The following GABRB3 variants were observed in gnomAD, a reference collection of about 807,000 sequenced individuals.
The protein encoded by GABRB3 is gamma-aminobutyric acid receptor subunit beta-3.
GABRB3 carries 14 observed loss-of-function variants against 52.1 expected under a neutral mutation model. That is an observed-to-expected ratio of 0.27 (90% CI 0.18 to 0.42). The LOEUF (loss-of-function observed/expected upper bound fraction) is 0.42. Among genes scored for constraint, GABRB3 ranks in the 10% least tolerant of loss-of-function variants. GABRB3 has a pLI of 1.00. For missense variants in GABRB3, 307 were observed against 609.1 expected (o/e 0.50, Z 5.22); for synonymous variants, 260 against 232.3 (o/e 1.12, Z -1.08).
intron 5 of GABRB3, among the ~76,000 whole-genome samples, chr15:26,582,998 C>G (rs921774019): frequency 6.6e-6 from 1 of 152,020 alleles, no homozygotes; most frequent in African/African-American, 2.4e-5. Context: ...TTACTCTGAC[C>G]GCCCAGGGTC....
In GABRB3 at chr15:26,772,864, G is replaced by A; in HGVS notation, c.80+19C>T. The A allele has an allele frequency of 6.9e-7, 1 of 1,451,566 alleles. No homozygotes were observed. The highest frequency in any genetic ancestry group is 1.4e-5 in the South Asian group (1 of 73,366). The allele number at this position is 1,451,566 out of a possible 1,614,324, so 89.9% of individuals were successfully genotyped here. A position where few individuals can be genotyped will look rare whatever the true frequency, so the allele number is the denominator to read the frequency against. On this transcript the variant is annotated intron_variant, in intron 1 of 8. Transcript: ENST00000311550. ...CCCCGCGCCCTGCCCGCCGCCCGCC[G>A]GCCCACCCGCGACCCTACCTCTGGG...
chr15:26,664,470 A>C (rs1887641221), intron 3 of GABRB3, among the ~76,000 whole-genome samples: 1 of 152,048 alleles, frequency 6.6e-6, no homozygotes, highest in African/African-American at 2.4e-5. Flanking sequence ...CCTCATCTTC[A>C]CTTATAACTT....
At chr15:26,550,973 G>A (rs1289789976) in intron 8 of GABRB3, among the ~76,000 whole-genome samples, 1 of 152,158 alleles carries the variant, frequency 6.6e-6, no homozygotes, top group Non-Finnish European at 1.5e-5. Context: ...ACAAAATGCA[G>A]CAAAAACATC....
intron 3 of GABRB3, among the ~76,000 whole-genome samples, chr15:26,694,577 A>C (rs533801376): frequency 6.6e-6 from 1 of 152,314 alleles, no homozygotes; most frequent in South Asian, 2.1e-4. Flanking sequence ...ACCCCTAGCC[A>C]GATAAATATA....
intron 3 of GABRB3, among the ~76,000 whole-genome samples, chr15:26,761,829 CTTATTTAT>C (rs565059435): frequency 1.3e-5 from 2 of 152,054 alleles, no homozygotes; most frequent in South Asian, 2.1e-4. Flanking sequence ...CTCTATCCCT[CTTATTTAT>C]TTATTTATTT....
rs1479473690 is a variant in GABRB3, at chr15:26,621,839, T to C, written c.241-305A>G. On this transcript the variant is annotated intron_variant, in intron 3 of 8. Transcript: ENST00000311550. This position sits in a 1 kb window ranked among gnomAD's most constrained non-coding sequence, Gnocchi z 4.1. ...CATAGAAATAAACGGGAAAAAGTCA[T>C]CGTAAAATCAGGTTGCTGGCGGGGA... Among the ~76,000 whole-genome samples, 5 of 152,280 alleles carry C rather than the reference T, an allele frequency of 3.3e-5. No homozygotes were observed. In the East Asian group the frequency reaches 7.7e-4, roughly 24 times the overall value.
chr15:26,635,542 A>G (rs1462276923), intron 3 of GABRB3, among the ~76,000 whole-genome samples: 2 of 152,198 alleles, frequency 1.3e-5, no homozygotes, highest in Non-Finnish European at 2.9e-5. Context: ...TTAAACAGAA[A>G]GAAAGACGTT....
At chr15:26,677,640 A>G (rs1387763028) in intron 3 of GABRB3, among the ~76,000 whole-genome samples, 1 of 152,234 alleles carries the variant, frequency 6.6e-6, no homozygotes, top group Non-Finnish European at 1.5e-5. Flanking sequence ...AAGAAAGACA[A>G]TTTACGGTAA....
intron 3 of GABRB3, among the ~76,000 whole-genome samples, chr15:26,728,217 A>G (rs1315474929): frequency 6.6e-6 from 1 of 152,168 alleles, no homozygotes; most frequent in Non-Finnish European, 1.5e-5. Flanking sequence ...AACTGTATCA[A>G]TGAGACCAAA....
chr15:26,674,058 AC>A (rs142566290), intron 3 of GABRB3, among the ~76,000 whole-genome samples: 58 of 147,048 alleles, frequency 3.9e-4, no homozygotes, highest in East Asian at 2.0e-3. Context: ...CACATATTTA[AC>A]CCCCCCCTTT....
intron 3 of GABRB3, chr15:26,628,912 G>A (rs1892817119): frequency 6.9e-7 from 1 of 1,457,218 alleles, no homozygotes; most frequent in Non-Finnish European, 9.3e-7. Context: ...GAGGTGTGGG[G>A]GAGTCAGGTG....
chr15:26,680,074 T>C (rs904550086), intron 3 of GABRB3, among the ~76,000 whole-genome samples: 12 of 152,166 alleles, frequency 7.9e-5, no homozygotes, highest in African/African-American at 1.7e-4. Context: ...GTTAAATCAA[T>C]AGATTTTGAG....
rs531093842 is a variant in GABRB3, at chr15:26,627,067, A to G, written c.241-5533T>C. ...TGACTTTAAGTTGAAGCCAATGCTCACCCACCATTTTGAAAATCCCAGGGC... is the reference window on the plus strand; with the variant it reads ...TGACTTTAAGTTGAAGCCAATGCTCGCCCACCATTTTGAAAATCCCAGGGC... On this transcript the variant is annotated intron_variant, in intron 3 of 8. Coordinates refer to ENST00000311550, the MANE Select transcript of GABRB3 (RefSeq NM_000814.6). 3.3e-5 allele frequency among the ~76,000 whole-genome samples: 5 copies of G among 152,302 alleles called. No individual in the cohort carries two copies. The South Asian group carries it at 1.0e-3, about 32-fold the overall frequency.
Position 26,621,269 on chromosome 15 carries a change from A to AT in GABRB3, c.461+44dup. On this transcript the variant is annotated intron_variant, in intron 4 of 8. Coordinates refer to ENST00000311550, the MANE Select transcript of GABRB3 (RefSeq NM_000814.6). The surrounding 1 kb of genome is among the most constrained non-coding windows in gnomAD (Gnocchi z 4.1). ...ATCTCAAGTGAGATATTCAACACCC[A>AT]TGCACCATGCAACAGCAAAATTGGT... 1 of 1,414,914 alleles carries AT rather than the reference A, an allele frequency of 7.1e-7. No homozygotes were observed. Among genetic ancestry groups the AT allele is most frequent in the Non-Finnish European group, 1.0e-6 (1 of 1,000,052 alleles). 87.6% of individuals were successfully genotyped at this position (1,414,914 alleles called of 1,614,324 possible). A position where few individuals can be genotyped will look rare whatever the true frequency, so the allele number is the denominator to read the frequency against.
At chr15:26,709,027 T>C (rs1889198856) in intron 3 of GABRB3, among the ~76,000 whole-genome samples, 1 of 152,240 alleles carries the variant, frequency 6.6e-6, no homozygotes, top group Non-Finnish European at 1.5e-5. Flanking sequence ...TACTAAAAGA[T>C]CATATGGATA....
intron 6 of GABRB3, among the ~76,000 whole-genome samples, chr15:26,572,363 A>T (rs541642660): frequency 3.3e-5 from 5 of 152,306 alleles, no homozygotes; most frequent in Non-Finnish European, 7.3e-5. Context: ...TGAGACATTC[A>T]TGGTTGAATA....
At position 26,621,598 on chromosome 15, in the gene GABRB3, A is replaced by C; in HGVS notation, c.241-64T>G. 1 of 1,330,806 alleles carries C rather than the reference A, an allele frequency of 7.5e-7. No homozygotes were observed. The highest frequency in any genetic ancestry group is 1.2e-5 in the South Asian group (1 of 83,612). 82.4% of individuals were successfully genotyped at this position (1,330,806 alleles called of 1,614,324 possible). ...CAGCCACAGGTGTATTTCCTCCACGACCAGCCAAATTCAGGTTGCAATCTA... is the reference window on the plus strand; with the variant it reads ...CAGCCACAGGTGTATTTCCTCCACGCCCAGCCAAATTCAGGTTGCAATCTA... On this transcript the variant is annotated intron_variant, in intron 3 of 8. Coordinates refer to ENST00000311550, the MANE Select transcript of GABRB3 (RefSeq NM_000814.6). This position sits in a 1 kb window ranked among gnomAD's most constrained non-coding sequence, Gnocchi z 4.1.
chr15:26,598,202 A>G (rs1308980276), intron 4 of GABRB3, among the ~76,000 whole-genome samples: 1 of 148,374 alleles, frequency 6.7e-6, no homozygotes, highest in Non-Finnish European at 1.5e-5. Flanking sequence ...TGACTAGATC[A>G]CAAGTTTTTT....
Position 26,547,857 on chromosome 15 carries a change from C to T in GABRB3, c.1358G>A (p.Arg453Lys). Residue 453 changes from arginine (R) to lysine (K), a missense_variant, in exon 9 of 9, where the codon AGG becomes AAG. Arg to Lys is a conservative substitution (Grantham distance 26). Transcript: ENST00000311550. Reference sequence around the variant, plus strand: ...AGAAAAAGTGAATGGAAACACGATCCTGGACCATCTGTCTATGGCATTCAC... The same window carrying T: ...AGAAAAAGTGAATGGAAACACGATCTTGGACCATCTGTCTATGGCATTCAC... Reference protein sequence around the residue: ...TDVNAIDRWSRIVFPFTFSLF... With the variant: ...TDVNAIDRWSKIVFPFTFSLF... The T allele has an allele frequency of 6.2e-7, 1 of 1,614,120 alleles. No individual in the cohort carries two copies. The highest frequency in any genetic ancestry group is 8.5e-7 in the Non-Finnish European group (1 of 1,180,014).
Sources: allele counts gnomAD v4.1 joint callset (sites outside exome capture counted in the v4.1 genomes callset), GRCh38; gene constraint gnomAD v4.1.1; non-coding constraint Gnocchi (gnomAD v3.1); transcripts MANE v1.5; gene names NCBI Gene and HGNC (gene_info 2026-07-23, HGNC 2026-07-21).